Variants in RAB3GAP2 observed in about 807,000 individuals in gnomAD.
The protein encoded by RAB3GAP2 is RAB3 GTPase activating non-catalytic protein subunit 2.
RAB3GAP2 carries 87 observed loss-of-function variants against 185.3 expected under a neutral mutation model. The observed-to-expected ratio is 0.47, with a 90% confidence interval of 0.39 to 0.56. The LOEUF (loss-of-function observed/expected upper bound fraction) is 0.56, where lower values mean the gene tolerates loss of function less well. Among genes scored for constraint, RAB3GAP2 ranks in the 20% least tolerant of loss-of-function variants. The probability of loss-of-function intolerance (pLI) is 0.00; values close to 1 mark genes in which losing one functional copy is unlikely to be tolerated. For missense variants in RAB3GAP2, 1,492 were observed against 1,638.2 expected (o/e 0.91, Z 1.54); for synonymous variants, 554 against 576.1 (o/e 0.96, Z 0.55).
chr1:220,230,915 C>T (rs1253813586), intron 2 of RAB3GAP2, among the ~76,000 whole-genome samples: 1 of 152,176 alleles, frequency 6.6e-6, no homozygotes, highest in Non-Finnish European at 1.5e-5. Flanking sequence ...ATCATTACCT[C>T]TGAAAATTAT....
At chr1:220,257,543 C>T (rs1161511618) in intron 1 of RAB3GAP2, among the ~76,000 whole-genome samples, 2 of 152,104 alleles carry the variant, frequency 1.3e-5, no homozygotes, top group Non-Finnish European at 2.9e-5. Context: ...CAAAGAGACA[C>T]TGTACCAGAA....
Position 220,151,417 on chromosome 1 carries a change from G to T in RAB3GAP2, c.4027-11C>A. 1 of 1,614,078 alleles carries T rather than the reference G, an allele frequency of 6.2e-7. No homozygotes were observed. The highest frequency in any genetic ancestry group is 8.5e-7 in the Non-Finnish European group (1 of 1,179,982). Reference sequence around the variant, plus strand: ...AAGGTCCTGGGGGTCCTGCAAATGGGACACAAAAATAACCTATTATAGACA... The same window carrying T: ...AAGGTCCTGGGGGTCCTGCAAATGGTACACAAAAATAACCTATTATAGACA... On this transcript the variant is annotated splice_polypyrimidine_tract_variant and intron_variant, in intron 34 of 34. Transcript: ENST00000358951.
chr1:220,156,063 G>C (rs568321549), intron 31 of RAB3GAP2, among the ~76,000 whole-genome samples: 1 of 151,542 alleles, frequency 6.6e-6, no homozygotes, highest in Non-Finnish European at 1.5e-5. Flanking sequence ...CGATTATCCT[G>C]CCTCAGCCTC....
intron 1 of RAB3GAP2, among the ~76,000 whole-genome samples, chr1:220,239,610 T>C (rs1189819029): frequency 6.6e-6 from 1 of 152,014 alleles, no homozygotes; most frequent in East Asian, 1.9e-4. Context: ...TGAGAAAAAA[T>C]AATTAAAAAG....
chr1:220,265,650 G>A (rs959733594), intron 1 of RAB3GAP2, among the ~76,000 whole-genome samples: 1 of 152,090 alleles, frequency 6.6e-6, no homozygotes. Flanking sequence ...AATAAACCAG[G>A]GAGAGTGGCT....
intron 17 of RAB3GAP2, among the ~76,000 whole-genome samples, chr1:220,186,770 A>G (rs532621713): frequency 4.3e-4 from 65 of 152,336 alleles, no homozygotes; most frequent in African/African-American, 1.5e-3. Flanking sequence ...CCATTAAAAA[A>G]AAGAAAATCA....
At chr1:220,246,991 C>A (rs1173423407) in intron 1 of RAB3GAP2, among the ~76,000 whole-genome samples, 1 of 152,030 alleles carries the variant, frequency 6.6e-6, no homozygotes, top group African/African-American at 2.4e-5. Flanking sequence ...AAACAGCCAA[C>A]AAATACATAA....
chr1:220,197,145 G>A (rs577016973), intron 9 of RAB3GAP2, among the ~76,000 whole-genome samples: 1 of 151,858 alleles, frequency 6.6e-6, no homozygotes, highest in Admixed American at 6.5e-5. Context: ...GCACCACCAT[G>A]CCCAGCTAAT....
chr1:220,191,083 A>G lies in RAB3GAP2; in HGVS notation c.1472T>C (p.Val491Ala). The G allele has an allele frequency of 6.2e-7, 1 of 1,613,692 alleles. No individual in the cohort carries two copies. The highest frequency in any genetic ancestry group is 8.5e-7 in the Non-Finnish European group (1 of 1,179,812). ...QQGPRVGAFNVGKHCRLLYPG... is the reference protein window; with the variant it reads ...QQGPRVGAFNAGKHCRLLYPG... ...TGCAGCTTACCTGCAGTGCTTCCCC[A>G]CATTGAAAGCTCCTACTCTAGGTCC... is the stretch of plus-strand genomic sequence containing the variant. Residue 491 changes from valine to alanine, a missense_variant, in exon 14 of 35, where the codon GTG becomes GCG. By Grantham distance (64) the Val-to-Ala change is moderately conservative. Around this residue, in one of 5 missense-constraint regions of RAB3GAP2, gnomAD observed 681 missense variants for 689.1 expected, o/e 0.99. Transcript: ENST00000358951.
chr1:220,171,168 T>A, intron 23 of RAB3GAP2, 48 bp from the exon 24 acceptor site: 1 of 1,534,590 alleles, frequency 6.5e-7, no homozygotes, highest in Non-Finnish European at 9.0e-7. Context: ...TCTGAATCAA[T>A]ATTAACTTGA....
chr1:220,199,048 G>A (rs1658789824), intron 9 of RAB3GAP2, among the ~76,000 whole-genome samples: 1 of 152,100 alleles, frequency 6.6e-6, no homozygotes, highest in Non-Finnish European at 1.5e-5. Flanking sequence ...TCTACATGAT[G>A]AAACACAATG....
rs371537175 is a variant in RAB3GAP2, at chr1:220,185,602, C to A, written c.1870+49G>T. Reference sequence around the variant, plus strand: ...CAATAGCTTTCTATAATCAGAGTTACAAAATTTGAGTTAAGAACATAACCT... The same window carrying A: ...CAATAGCTTTCTATAATCAGAGTTAAAAAATTTGAGTTAAGAACATAACCT... On this transcript the variant is annotated intron_variant, in intron 18 of 34. Coordinates refer to ENST00000358951, the MANE Select transcript of RAB3GAP2 (RefSeq NM_012414.4). 33 of 1,416,620 alleles carry A rather than the reference C, an allele frequency of 2.3e-5. No homozygotes were observed. In the East Asian group the frequency reaches 6.0e-4, roughly 26 times the overall value. The allele number at this position is 1,416,620 out of a possible 1,614,324, so 87.8% of individuals were successfully genotyped here. A position where few individuals can be genotyped will look rare whatever the true frequency, so the allele number is the denominator to read the frequency against.
chr1:220,200,320 C>T (rs1258193234), intron 9 of RAB3GAP2, among the ~76,000 whole-genome samples: 1 of 152,180 alleles, frequency 6.6e-6, no homozygotes, highest in Admixed American at 6.5e-5. Context: ...TTCCTTTACT[C>T]TCTACCATAA....
intron 2 of RAB3GAP2, among the ~76,000 whole-genome samples, chr1:220,227,821 G>A (rs550129781): frequency 4.8e-4 from 73 of 152,112 alleles, no homozygotes; most frequent in Admixed American, 3.7e-3. Context: ...GTGTAATCTC[G>A]GCTCACTGCA....
intron 1 of RAB3GAP2, among the ~76,000 whole-genome samples, chr1:220,260,753 T>TGAA (rs894371874): frequency 1.6e-4 from 25 of 152,108 alleles, no homozygotes; most frequent in East Asian, 1.4e-3. Flanking sequence ...ACTTAAAAGT[T>TGAA]GAAGAAGAAG....
chr1:220,152,468 C>G (rs1657776233), intron 33 of RAB3GAP2, among the ~76,000 whole-genome samples: 1 of 152,208 alleles, frequency 6.6e-6, no homozygotes, highest in Non-Finnish European at 1.5e-5. Context: ...TGCCTCATGC[C>G]ATACTTCTTT....
intron 2 of RAB3GAP2, among the ~76,000 whole-genome samples, chr1:220,227,028 C>T (rs1659415124): frequency 6.6e-6 from 1 of 152,218 alleles, no homozygotes; most frequent in Admixed American, 6.5e-5. Flanking sequence ...CAGAAATCAG[C>T]CCCGATGGCA....
chr1:220,204,597 T>A (rs994840781), intron 8 of RAB3GAP2, among the ~76,000 whole-genome samples: 1 of 152,102 alleles, frequency 6.6e-6, no homozygotes, highest in Non-Finnish European at 1.5e-5. Context: ...GATTTTTTTT[T>A]ATTATATTTT....
chr1:220,185,815 C>T, intron 17 of RAB3GAP2, 74 bp from the exon 18 acceptor site: 2 of 1,167,642 alleles, frequency 1.7e-6, no homozygotes, highest in African/African-American at 1.5e-5. Flanking sequence ...ATATTTATGC[C>T]CAAACTTTCA....
Sources: gnomAD v4.1 joint callset for allele counts (sites outside exome capture counted in the v4.1 genomes callset) on GRCh38, gnomAD v4.1.1 for gene constraint, gnomAD v4.1.1 regional missense constraint, MANE v1.5 for transcripts, NCBI Gene and HGNC (gene_info 2026-07-23, HGNC 2026-07-21) for gene names.